Variants in PCDH7 observed in about 807,000 individuals in gnomAD.
PCDH7 encodes the protein protocadherin-7.
PCDH7 carries 17 observed loss-of-function variants against 58.9 expected under a neutral mutation model. The ratio of observed to expected loss-of-function variants is 0.29; its 90% confidence interval spans 0.20 to 0.43. PCDH7 has a LOEUF of 0.43. PCDH7 is among the 20% of genes least tolerant of loss of function. The pLI is 1.00. For missense variants in PCDH7, 1,274 were observed against 1,441.0 expected (o/e 0.88, Z 1.88); for synonymous variants, 664 against 616.4 (o/e 1.08, Z -1.14).
At chr4:30,761,218 A>G (rs1479759516) in intron 1 of PCDH7, among the ~76,000 whole-genome samples, 1 of 152,196 alleles carries the variant, frequency 6.6e-6, no homozygotes, top group Non-Finnish European at 1.5e-5. Context: ...CTTACCTGCA[A>G]AAGATTCACT....
intron 3 of PCDH7, among the ~76,000 whole-genome samples, chr4:31,079,333 T>G (rs1578738490): frequency 1.6e-5 from 1 of 63,040 alleles, no homozygotes; most frequent in South Asian, 4.6e-4. Flanking sequence ...TATATATATA[T>G]ATATATATAT....
intron 3 of PCDH7, among the ~76,000 whole-genome samples, chr4:31,117,900 C>T (rs751308634): frequency 1.7e-4 from 26 of 152,138 alleles, no homozygotes; most frequent in Non-Finnish European, 2.9e-4. Context: ...TTTCTATTGA[C>T]AGGCTCAATC....
In PCDH7 at chr4:31,126,128, T is replaced by C. The variant is rs545888335; in HGVS notation, c.*8-16345T>C. Among the ~76,000 whole-genome samples, 519 of 130,812 alleles carry C rather than the reference T, an allele frequency of 4.0e-3. 5 individuals are homozygous for C. The highest frequency in any genetic ancestry group is 0.016 in the Middle Eastern group (4 of 256). 85.8% of individuals were successfully genotyped at this position (130,812 alleles called of 152,430 possible). On this transcript the variant is annotated intron_variant, in intron 3 of 3. Transcript: ENST00000509759. The stretch of plus-strand genomic sequence containing the variant: ...GAACAGTGCTTGACATATCCTTTCT[T>C]TTTTTTTTTTTTTTTTTGATACAGA...
At chr4:30,864,307 G>A (rs1401520664) in intron 1 of PCDH7, among the ~76,000 whole-genome samples, 1 of 151,740 alleles carries the variant, frequency 6.6e-6, no homozygotes, top group African/African-American at 2.4e-5. Flanking sequence ...ACCCATAATA[G>A]CAATATTAAT....
At chr4:30,996,972 T>A (rs1289514223) in intron 3 of PCDH7, among the ~76,000 whole-genome samples, 1 of 152,178 alleles carries the variant, frequency 6.6e-6, no homozygotes, top group African/African-American at 2.4e-5. Flanking sequence ...ATTTACTCTG[T>A]TTATTGGACA....
chr4:30,984,743 C>T (rs781763391), intron 3 of PCDH7, among the ~76,000 whole-genome samples: 2 of 151,994 alleles, frequency 1.3e-5, no homozygotes, highest in Non-Finnish European at 2.9e-5. Context: ...TAGAAGAGAC[C>T]ACCATGGGCA....
At chr4:30,908,098 C>G (rs4586889) in intron 1 of PCDH7, among the ~76,000 whole-genome samples, 100,554 of 151,768 alleles carry the variant, frequency 0.66, 33,670 homozygotes, top group African/African-American at 0.78. Flanking sequence ...AGGGCCGGTT[C>G]GGGGGTGAGG....
chr4:30,874,200 T>C (rs1004611417), intron 1 of PCDH7, among the ~76,000 whole-genome samples: 1 of 151,878 alleles, frequency 6.6e-6, no homozygotes, highest in African/African-American at 2.4e-5. Context: ...ACTGGGTATA[T>C]ACCCAAAGGA....
At chr4:30,846,925 A>G (rs1422221462) in intron 1 of PCDH7, among the ~76,000 whole-genome samples, 1 of 151,930 alleles carries the variant, frequency 6.6e-6, no homozygotes, top group Non-Finnish European at 1.5e-5. Flanking sequence ...GAAGTTGGAG[A>G]CCAGCCTGGG....
intron 1 of PCDH7, among the ~76,000 whole-genome samples, chr4:30,896,063 G>A (rs1259613279): frequency 2.6e-5 from 4 of 152,124 alleles, no homozygotes; most frequent in South Asian, 4.1e-4. Flanking sequence ...AGGAGGTGGA[G>A]GGGTTATTGT....
At chr4:31,138,004 G>A (rs1719817825) in intron 3 of PCDH7, among the ~76,000 whole-genome samples, 1 of 152,102 alleles carries the variant, frequency 6.6e-6, no homozygotes, top group South Asian at 2.1e-4. Context: ...CCTTCCTGGT[G>A]CAGAACTGTC....
chr4:31,033,995 G>A lies in PCDH7; in HGVS notation c.*7+83780G>A, dbSNP rs183266756. Among the ~76,000 whole-genome samples the A allele has an allele frequency of 7.9e-4, 120 of 152,224 alleles. 1 individual carries two copies. The highest frequency in any genetic ancestry group is 1.4e-3 in the Admixed American group (21 of 15,294). ...TGTAATCCCAGCTATTCAGGAGGCT[G>A]AGGCAGGAGAATTGCTTGAGTCCGG... On this transcript the variant is annotated intron_variant, in intron 3 of 3. Transcript: ENST00000509759.
At chr4:30,975,916 T>C (rs1465589456) in intron 3 of PCDH7, among the ~76,000 whole-genome samples, 3 of 152,198 alleles carry the variant, frequency 2.0e-5, no homozygotes, top group Admixed American at 2.0e-4. Flanking sequence ...TGTCCTTCAA[T>C]ATCTTTCAGC....
At chr4:30,989,144 C>T (rs183517908) in intron 3 of PCDH7, among the ~76,000 whole-genome samples, 2 of 145,680 alleles carry the variant, frequency 1.4e-5, no homozygotes, top group East Asian at 4.2e-4. Flanking sequence ...AATCAAATCA[C>T]AGTTTTTTTT....
intron 1 of PCDH7, among the ~76,000 whole-genome samples, chr4:30,894,478 AAAAAAAAAAAAAATATATAT>A (rs1394189343): frequency 8.4e-4 from 45 of 53,414 alleles, no homozygotes; most frequent in Non-Finnish European, 6.8e-4. Flanking sequence ...AAAAAAAAAA[AAAAAAAAAAAAAATATATAT>A]ATATATATAT....
chr4:30,780,833 A>G (rs1722685713), intron 1 of PCDH7, among the ~76,000 whole-genome samples: 1 of 152,136 alleles, frequency 6.6e-6, no homozygotes, highest in Non-Finnish European at 1.5e-5. Flanking sequence ...AGACAATAGG[A>G]AAAACAGCTC....
Position 30,892,593 on chromosome 4 carries a change from G to T in PCDH7, c.71-27560G>T, listed in dbSNP as rs1420752367. On this transcript the variant is annotated intron_variant, in intron 1 of 3. Coordinates refer to the PCDH7 transcript ENST00000509759. ...CCTTTTTCATGCAATGAATTATACTGCATAGGTTTGTGAAAAATGATATAT... is the reference window on the plus strand; with the variant it reads ...CCTTTTTCATGCAATGAATTATACTTCATAGGTTTGTGAAAAATGATATAT... 2.0e-5 allele frequency among the ~76,000 whole-genome samples: 3 copies of T among 152,000 alleles called. No homozygotes were observed. In the East Asian group the frequency reaches 5.8e-4, roughly 29 times the overall value.
intron 1 of PCDH7, among the ~76,000 whole-genome samples, chr4:30,800,381 T>C (rs1725381324): frequency 6.6e-6 from 1 of 152,208 alleles, no homozygotes; most frequent in Non-Finnish European, 1.5e-5. Context: ...TTCACATATA[T>C]ATATTTATTT....
rs569116326 is a variant in PCDH7 at position 30,810,265 on chromosome 4, T to C, written c.70+85669T>C. Among the ~76,000 whole-genome samples the C allele has an allele frequency of 2.6e-5, 4 of 152,268 alleles. No homozygotes were observed. In the South Asian group the frequency reaches 6.2e-4, roughly 24 times the overall value. ...CTTGTAACATATAGTTCCTTATGTCTGCTACAATATCCATAATAAACGTTT... is the reference window on the plus strand; with the variant it reads ...CTTGTAACATATAGTTCCTTATGTCCGCTACAATATCCATAATAAACGTTT... On this transcript the variant is annotated intron_variant, in intron 1 of 3. Transcript: ENST00000509759.
Sources: allele counts gnomAD v4.1 joint callset (sites outside exome capture counted in the v4.1 genomes callset), GRCh38; gene constraint gnomAD v4.1.1; transcripts MANE v1.5; gene names NCBI Gene and HGNC (gene_info 2026-07-23, HGNC 2026-07-21).